Variants in RABGAP1L observed in about 807,000 individuals in gnomAD.
The protein encoded by RABGAP1L is rab GTPase-activating protein 1-like.
A neutral mutation model predicts 137.7 loss-of-function variants in RABGAP1L; 63 were observed. The ratio of observed to expected loss-of-function variants is 0.46; its 90% CI spans 0.37 to 0.56. The LOEUF is 0.56. RABGAP1L is among the 20% of genes least tolerant of loss of function. The probability of loss-of-function intolerance (pLI) is 0.00; values close to 1 mark genes in which losing one functional copy is unlikely to be tolerated. For missense variants in RABGAP1L, 1,095 were observed against 1,244.0 expected, an observed-to-expected ratio of 0.88 and a Z score of 1.80; for synonymous variants, 431 against 433.7, an observed-to-expected ratio of 0.99 and a Z score of 0.08.
chr1:174,783,723 T>C (rs1687216244), intron 18 of RABGAP1L, among the ~76,000 whole-genome samples: 1 of 145,960 alleles, frequency 6.9e-6, no homozygotes, highest in South Asian at 2.2e-4. Flanking sequence ...TTTTTTTTTT[T>C]TTTTGAGATG....
intron 18 of RABGAP1L, among the ~76,000 whole-genome samples, chr1:174,804,351 A>C (rs1456649774): frequency 2.0e-5 from 3 of 146,496 alleles, no homozygotes; most frequent in Non-Finnish European, 4.5e-5. Flanking sequence ...GCTCACTGCA[A>C]CCTCCGCCTC....
chr1:174,491,810 C>T (rs1253172454), intron 13 of RABGAP1L, among the ~76,000 whole-genome samples: 1 of 152,204 alleles, frequency 6.6e-6, no homozygotes, highest in African/African-American at 2.4e-5. Flanking sequence ...ATGCTCCTTC[C>T]ATGAGTGGCT....
intron 13 of RABGAP1L, among the ~76,000 whole-genome samples, chr1:174,622,829 A>C (rs997120315): frequency 6.6e-6 from 1 of 152,232 alleles, no homozygotes. Flanking sequence ...CGTTGTGCAC[A>C]TGTACCCTAA....
intron 19 of RABGAP1L, among the ~76,000 whole-genome samples, chr1:174,948,093 C>T (rs1667155005): frequency 6.6e-6 from 1 of 151,754 alleles, no homozygotes; most frequent in South Asian, 2.1e-4. Flanking sequence ...TCAAAACTGC[C>T]TGAGTAGCTT....
intron 19 of RABGAP1L, among the ~76,000 whole-genome samples, chr1:174,924,666 A>G (rs1662414066): frequency 6.6e-6 from 1 of 152,146 alleles, no homozygotes; most frequent in African/African-American, 2.4e-5. Context: ...GGTCCTTCCC[A>G]TCTTCCTCAG....
chr1:174,495,792 A>G (rs936120521), intron 13 of RABGAP1L, among the ~76,000 whole-genome samples: 14 of 152,202 alleles, frequency 9.2e-5, no homozygotes, highest in African/African-American at 3.1e-4. Flanking sequence ...TTCACAAATG[A>G]TGCTGCGGTG....
chr1:174,200,994 G>A (rs761070846), intron 1 of RABGAP1L, among the ~76,000 whole-genome samples: 3 of 152,132 alleles, frequency 2.0e-5, no homozygotes, highest in African/African-American at 2.4e-5. Context: ...CAACCACCAG[G>A]GCCGTCGTTT....
intron 14 of RABGAP1L, among the ~76,000 whole-genome samples, chr1:174,667,797 C>T (rs1676895049): frequency 6.6e-6 from 1 of 152,176 alleles, no homozygotes; most frequent in African/African-American, 2.4e-5. Context: ...CTATATATCT[C>T]TCACTGTGCA....
At chr1:174,678,273 C>T (rs1286305055) in intron 14 of RABGAP1L, among the ~76,000 whole-genome samples, 6 of 152,072 alleles carry the variant, frequency 3.9e-5, no homozygotes, top group Non-Finnish European at 7.4e-5. Flanking sequence ...GGAGAATACT[C>T]TAGGCCCAGA....
chr1:174,767,686 T>C (rs1685787659), intron 18 of RABGAP1L, among the ~76,000 whole-genome samples: 1 of 152,204 alleles, frequency 6.6e-6, no homozygotes, highest in Non-Finnish European at 1.5e-5. Context: ...ATTTTCAGCT[T>C]TAATATTCAT....
intron 18 of RABGAP1L, among the ~76,000 whole-genome samples, chr1:174,809,811 G>A (rs1689693231): frequency 6.6e-6 from 1 of 152,200 alleles, no homozygotes; most frequent in South Asian, 2.1e-4. Context: ...AGAATTGGTA[G>A]CTGGATGCTT....
chr1:174,849,992 G>A, intron 19 of RABGAP1L: 2 of 706,526 alleles, frequency 2.8e-6, no homozygotes, highest in Non-Finnish European at 2.4e-6. Context: ...ACAGCAGCTT[G>A]TCATCTTTAT....
At chr1:174,738,312 C>T (rs927548405) in intron 17 of RABGAP1L, among the ~76,000 whole-genome samples, 5 of 152,218 alleles carry the variant, frequency 3.3e-5, no homozygotes, top group South Asian at 2.1e-4. Context: ...AGTTTTGCTG[C>T]GATGAATTTC....
At chr1:174,553,909 G>A (rs72715238) in intron 13 of RABGAP1L, among the ~76,000 whole-genome samples, 31,831 of 152,024 alleles carry the variant, frequency 0.21, 3,675 homozygotes, top group Admixed American at 0.25. Context: ...GATAGAATTT[G>A]GGCCGGGGAG....
intron 13 of RABGAP1L, among the ~76,000 whole-genome samples, chr1:174,590,220 A>G (rs1042870729): frequency 2.7e-5 from 4 of 146,354 alleles, no homozygotes; most frequent in African/African-American, 5.0e-5. Context: ...GCAATTTAAA[A>G]TGGACTAATA....
chr1:174,631,337 T>A (rs1673362011), intron 13 of RABGAP1L, among the ~76,000 whole-genome samples: 1 of 140,040 alleles, frequency 7.1e-6, no homozygotes, highest in Non-Finnish European at 1.5e-5. Context: ...ATGGAATAGG[T>A]GTGGTGTGGT....
At chr1:174,360,902 A>G (rs983810563) in intron 11 of RABGAP1L, among the ~76,000 whole-genome samples, 5 of 152,138 alleles carry the variant, frequency 3.3e-5, no homozygotes, top group Admixed American at 2.0e-4. Context: ...CACGCCTGTA[A>G]TCCCAGCACT....
At chr1:174,756,022 C>T (rs531127462) in intron 18 of RABGAP1L, among the ~76,000 whole-genome samples, 1 of 152,260 alleles carries the variant, frequency 6.6e-6, no homozygotes, top group South Asian at 2.1e-4. Context: ...ATACCAGTCT[C>T]ATAAGATTGT....
intron 18 of RABGAP1L, among the ~76,000 whole-genome samples, chr1:174,784,470 A>G (rs907608294): frequency 4.0e-5 from 6 of 151,812 alleles, no homozygotes; most frequent in Admixed American, 2.0e-4. Flanking sequence ...AATCCCTCCT[A>G]TATTGTGGTG....
Sources: allele counts gnomAD v4.1 joint callset (sites outside exome capture counted in the v4.1 genomes callset), GRCh38; gene constraint gnomAD v4.1.1; transcripts MANE v1.5; gene names NCBI Gene and HGNC (gene_info 2026-07-23, HGNC 2026-07-21).